Variants in KCNN3 observed in about 807,000 individuals in gnomAD.
The protein encoded by KCNN3 is potassium calcium-activated channel subfamily N member 3.
In KCNN3, 16 loss-of-function variants were observed where a neutral mutation model predicts 62.9. The observed-to-expected ratio is 0.25, with a 90% CI of 0.17 to 0.39. The LOEUF (loss-of-function observed/expected upper bound fraction) is 0.39, where lower values mean the gene tolerates loss of function less well. KCNN3 is among the 10% of genes least tolerant of loss of function. The probability of loss-of-function intolerance (pLI) is 1.00; values close to 1 mark genes in which losing one functional copy is unlikely to be tolerated. For missense variants in KCNN3, 599 were observed against 949.4 expected (o/e 0.63, Z 4.85); for synonymous variants, 370 against 389.2 (o/e 0.95, Z 0.58).
At chr1:154,759,346 G>A (rs375315868) in intron 3 of KCNN3, among the ~76,000 whole-genome samples, 212 of 152,120 alleles carry the variant, frequency 1.4e-3, no homozygotes, top group Non-Finnish European at 2.7e-3. Flanking sequence ...GGAAATGTAG[G>A]GCACAATGGG....
Position 154,699,793 on chromosome 1 carries a change from T to G in KCNN3, c.*8183A>C, listed in dbSNP as rs890613162. The G allele has an allele frequency of 6.6e-6, 1 of 152,116 alleles. No homozygotes were observed. Among genetic ancestry groups the G allele is most frequent in the Non-Finnish European group, 1.5e-5 (1 of 68,030 alleles). 9.4% of individuals were successfully genotyped at this position (152,116 alleles called of 1,614,324 possible). A position where few individuals can be genotyped will look rare whatever the true frequency, so the allele number is the denominator to read the frequency against. ...ACAAGGATCGAGAAACACAACAATT[T>G]CTGTACTATGCTAAGCAGAGACTCC... On this transcript the variant is annotated 3_prime_UTR_variant, in exon 8 of 8. Transcript: ENST00000271915.
chr1:154,754,090 C>T (rs1006397482), intron 3 of KCNN3, among the ~76,000 whole-genome samples: 1 of 152,176 alleles, frequency 6.6e-6, no homozygotes, highest in African/African-American at 2.4e-5. Flanking sequence ...TTGAACCAAA[C>T]CGGTTTTATC....
At chr1:154,709,446 A>G (rs1700029610) in intron 7 of KCNN3, among the ~76,000 whole-genome samples, 2 of 152,096 alleles carry the variant, frequency 1.3e-5, no homozygotes, top group South Asian at 4.2e-4. Context: ...AGGTTACTCT[A>G]GGAAGATATG....
At chr1:154,817,456 G>T (rs532670321) in intron 2 of KCNN3, among the ~76,000 whole-genome samples, 1 of 152,206 alleles carries the variant, frequency 6.6e-6, no homozygotes, top group African/African-American at 2.4e-5. Flanking sequence ...CAATATGGAG[G>T]ATCAGCATCC....
intron 1 of KCNN3, among the ~76,000 whole-genome samples, chr1:154,843,543 A>G (rs1437784696): frequency 6.6e-6 from 1 of 152,100 alleles, no homozygotes; most frequent in Non-Finnish European, 1.5e-5. Context: ...AGGGATTACA[A>G]GTGTGAGCCA....
chr1:154,854,260 T>C (rs1652429136), intron 1 of KCNN3, among the ~76,000 whole-genome samples: 1 of 151,970 alleles, frequency 6.6e-6, no homozygotes, highest in Non-Finnish European at 1.5e-5. Context: ...AATAAATTAA[T>C]TTGAAAATAA....
At position 154,713,689 on chromosome 1, in the gene KCNN3, CT is replaced by C. The variant is rs950551519; in HGVS notation, c.1830-157del. On this transcript the variant is annotated intron_variant, in intron 6 of 7. Coordinates refer to ENST00000271915, the MANE Select transcript of KCNN3 (RefSeq NM_002249.6). ...AACTGAGGCTTTTACTTTCCAGGGG[CT>C]TGTCACATCCCCCCAGAAAGCAAAC... 8.0e-4 allele frequency among the ~76,000 whole-genome samples: 121 copies of C among 152,142 alleles called. 1 individual carries two copies. Among genetic ancestry groups the C allele is most frequent in the Admixed American group, 7.8e-3 (119 of 15,278 alleles).
intron 3 of KCNN3, among the ~76,000 whole-genome samples, chr1:154,736,589 C>A (rs188065352): frequency 2.0e-5 from 3 of 152,236 alleles, no homozygotes; most frequent in Admixed American, 6.5e-5. Context: ...CCTTGAATAC[C>A]GAACCATGAA....
At chr1:154,857,532 C>T (rs549766062) in intron 1 of KCNN3, among the ~76,000 whole-genome samples, 4 of 48,010 alleles carry the variant, frequency 8.3e-5, no homozygotes, top group Admixed American at 2.8e-4. Flanking sequence ...GTGGGGTGGG[C>T]GGGAGTGGAG....
intron 2 of KCNN3, among the ~76,000 whole-genome samples, chr1:154,796,146 T>C (rs1649727152): frequency 6.6e-6 from 1 of 152,170 alleles, no homozygotes; most frequent in Non-Finnish European, 1.5e-5. Context: ...AGGTGGCGAA[T>C]ACTGCAATCG....
intron 2 of KCNN3, among the ~76,000 whole-genome samples, chr1:154,821,209 G>T (rs1650878212): frequency 6.6e-6 from 1 of 152,154 alleles, no homozygotes; most frequent in African/African-American, 2.4e-5. Context: ...CTGAGCTCTG[G>T]TCTTCGTCAA....
chr1:154,815,834 A>C (rs981969421), intron 2 of KCNN3, among the ~76,000 whole-genome samples: 6 of 152,162 alleles, frequency 3.9e-5, no homozygotes, highest in African/African-American at 1.4e-4. Flanking sequence ...AGCAAGACGC[A>C]ACGTGAGTTG....
At position 154,698,481 on chromosome 1, in the gene KCNN3, G is replaced by C. The variant is rs1571187112; in HGVS notation, c.*9495C>G. On this transcript the variant is annotated 3_prime_UTR_variant, in exon 8 of 8. Coordinates refer to ENST00000271915, the MANE Select transcript of KCNN3 (RefSeq NM_002249.6). ...ATGAAAGTGTCACCATGGGGGCAGG[G>C]AGCTAGAGAGATTTAGTTGGTTTAA... The C allele has an allele frequency of 6.6e-6, 1 of 152,200 alleles. No homozygotes were observed. The highest frequency in any genetic ancestry group is 2.4e-5 in the African/African-American group (1 of 41,416). 9.4% of individuals were successfully genotyped at this position (152,200 alleles called of 1,614,324 possible). A position where few individuals can be genotyped will look rare whatever the true frequency, so the allele number is the denominator to read the frequency against.
chr1:154,830,339 T>C (rs899833194), intron 1 of KCNN3, among the ~76,000 whole-genome samples: 3 of 152,144 alleles, frequency 2.0e-5, no homozygotes, highest in Admixed American at 6.5e-5. Context: ...GGGGGCTAGA[T>C]TCAAACCTGT....
intron 4 of KCNN3, among the ~76,000 whole-genome samples, chr1:154,730,382 G>T (rs992484137): frequency 1.2e-4 from 19 of 152,158 alleles, no homozygotes; most frequent in Admixed American, 7.9e-4. Flanking sequence ...CCCTTCCCAA[G>T]CAGGCCTTGC....
chr1:154,835,913 G>C (rs1201488251), intron 1 of KCNN3, among the ~76,000 whole-genome samples: 1 of 152,158 alleles, frequency 6.6e-6, no homozygotes, highest in Non-Finnish European at 1.5e-5. Context: ...TCTAACACAG[G>C]GTTGCCAAAA....
chr1:154,760,404 T>C (rs561098274), intron 3 of KCNN3, among the ~76,000 whole-genome samples: 40 of 149,306 alleles, frequency 2.7e-4, no homozygotes, highest in African/African-American at 9.4e-4. Context: ...CTGGAGACTG[T>C]GAATCACGCA....
rs968573584 is a variant in KCNN3 at position 154,787,409 on chromosome 1, G to A, written c.1030-15016C>T. Among the ~76,000 whole-genome samples, 16 of 152,228 alleles carry A rather than the reference G, an allele frequency of 1.1e-4. No individual in the cohort carries two copies. In the East Asian group the frequency reaches 3.1e-3, roughly 29 times the overall value. On this transcript the variant is annotated intron_variant, in intron 2 of 7. Transcript: ENST00000271915. Reference sequence around the variant, plus strand: ...CGACTGCTGCTGGTGAGAGGTCACTGCGGATCTGGCCTCAGCGTGCCAGGT... The same window carrying A: ...CGACTGCTGCTGGTGAGAGGTCACTACGGATCTGGCCTCAGCGTGCCAGGT...
chr1:154,752,772 C>T (rs1647440780), intron 3 of KCNN3, among the ~76,000 whole-genome samples: 2 of 152,214 alleles, frequency 1.3e-5, no homozygotes, highest in South Asian at 4.1e-4. Context: ...CAACTCCACA[C>T]TATGGTGGGG....
Sources: allele counts gnomAD v4.1 joint callset (sites outside exome capture counted in the v4.1 genomes callset), GRCh38; gene constraint gnomAD v4.1.1; transcripts MANE v1.5; gene names NCBI Gene and HGNC (gene_info 2026-07-23, HGNC 2026-07-21).